The following ADAMTS20 variants were observed in gnomAD, a reference collection of about 807,000 sequenced individuals.
ADAMTS20 encodes the protein A disintegrin and metalloproteinase with thrombospondin motifs 20.
In ADAMTS20, 225 loss-of-function variants were observed where a neutral mutation model predicts 260.1. The ratio of observed to expected loss-of-function variants is 0.87; its 90% CI spans 0.78 to 0.97. ADAMTS20 has a LOEUF of 0.97. ADAMTS20 is among the 50% of genes least tolerant of loss of function. ADAMTS20 has a pLI of 0.00. For synonymous variants in ADAMTS20, 802 were observed against 769.5 expected, an observed-to-expected ratio of 1.04 and a Z score of -0.70; for missense variants, 2,400 against 2,337.7, an observed-to-expected ratio of 1.03 and a Z score of -0.55.
intron 2 of ADAMTS20, among the ~76,000 whole-genome samples, chr12:43,538,945 T>A (rs201683099): frequency 4.5e-5 from 6 of 133,806 alleles, no homozygotes; most frequent in Admixed American, 3.2e-4. Flanking sequence ...AATTTTTTTA[T>A]GAACATTCTT....
In ADAMTS20 at chr12:43,428,524, G is replaced by A; in HGVS notation, c.3662C>T (p.Ala1221Val). The A allele has an allele frequency of 6.2e-7, 1 of 1,610,242 alleles. No homozygotes were observed. The highest frequency in any genetic ancestry group is 8.5e-7 in the Non-Finnish European group (1 of 1,177,454). ...WQAGDWSPCSASCGHGKTTRQ... is the reference protein window; with the variant it reads ...WQAGDWSPCSVSCGHGKTTRQ... ...AGTTGTTTTTCCATGGCCACAGGAA[G>A]CTGAACACTGATCAAAAATTTAGCC... Residue 1221 changes from alanine to valine, a missense_variant, in exon 26 of 39, where the codon GCT becomes GTT. Physicochemically the swap from Ala to Val is moderately conservative, Grantham distance 64. Coordinates refer to ENST00000389420, the MANE Select transcript of ADAMTS20 (RefSeq NM_025003.5).
intron 28 of ADAMTS20, among the ~76,000 whole-genome samples, chr12:43,410,766 T>C (rs934961576): frequency 2.0e-5 from 3 of 152,202 alleles, no homozygotes; most frequent in African/African-American, 7.2e-5. Context: ...TCTTCAAATA[T>C]TTGCCCTATA....
chr12:43,453,885 T>C (rs1305364638), intron 12 of ADAMTS20, 22 bp downstream of exon 12: 4 of 1,571,066 alleles, frequency 2.5e-6, no homozygotes, highest in South Asian at 1.2e-5. Flanking sequence ...TCTTAATTTA[T>C]AGTGACATAA....
intron 37 of ADAMTS20, among the ~76,000 whole-genome samples, chr12:43,363,477 G>C (rs1212455308): frequency 6.6e-6 from 1 of 152,098 alleles, no homozygotes; most frequent in Non-Finnish European, 1.5e-5. Flanking sequence ...CAAAAGCCAA[G>C]AAGACCAGGG....
At chr12:43,470,146 G>T (rs1942227473) in intron 7 of ADAMTS20, among the ~76,000 whole-genome samples, 1 of 152,146 alleles carries the variant, frequency 6.6e-6, no homozygotes, top group African/African-American at 2.4e-5. Flanking sequence ...TGCATGTTCA[G>T]TTGTTTAGTG....
intron 16 of ADAMTS20, among the ~76,000 whole-genome samples, chr12:43,441,188 A>C (rs1278156275): frequency 6.6e-6 from 1 of 152,056 alleles, no homozygotes; most frequent in East Asian, 1.9e-4. Context: ...CTGTTAACAC[A>C]TACGTGGGTA....
chr12:43,550,779 T>C, intron 2 of ADAMTS20, 130 bp downstream of exon 2: 1 of 1,352,740 alleles, frequency 7.4e-7, no homozygotes, highest in Non-Finnish European at 9.8e-7. Flanking sequence ...GGCTTGGTGT[T>C]AATCCTTCTT....
intron 2 of ADAMTS20, among the ~76,000 whole-genome samples, chr12:43,540,934 T>C (rs958945331): frequency 6.6e-6 from 1 of 152,180 alleles, no homozygotes; most frequent in Non-Finnish European, 1.5e-5. Flanking sequence ...TAGAAGATTC[T>C]ATAAAATTGT....
intron 7 of ADAMTS20, among the ~76,000 whole-genome samples, chr12:43,468,948 C>G (rs2137387526): frequency 6.6e-6 from 1 of 151,818 alleles, no homozygotes; most frequent in Admixed American, 6.6e-5. Context: ...GTAGAGTGAG[C>G]AAACAACTTT....
intron 14 of ADAMTS20, among the ~76,000 whole-genome samples, chr12:43,450,470 T>C (rs1374643216): frequency 6.6e-6 from 1 of 152,192 alleles, no homozygotes; most frequent in Non-Finnish European, 1.5e-5. Flanking sequence ...ACTTTTGCAT[T>C]GTCATATGAC....
intron 29 of ADAMTS20, among the ~76,000 whole-genome samples, chr12:43,387,755 C>T (rs1323229673): frequency 1.3e-5 from 2 of 152,184 alleles, no homozygotes; most frequent in Admixed American, 1.3e-4. Flanking sequence ...TTGTGGAGGG[C>T]TCCACCCAAT....
At chr12:43,373,958 C>T (rs560089497) in intron 36 of ADAMTS20, among the ~76,000 whole-genome samples, 3 of 151,806 alleles carry the variant, frequency 2.0e-5, no homozygotes, top group Middle Eastern at 3.4e-3. Flanking sequence ...GGATTACAGG[C>T]GTGAGTCACC....
At chr12:43,376,858 C>T (rs751918023) in intron 32 of ADAMTS20, among the ~76,000 whole-genome samples, 2 of 152,164 alleles carry the variant, frequency 1.3e-5, no homozygotes, top group Non-Finnish European at 2.9e-5. Flanking sequence ...TCTATTATTT[C>T]TCAGTTACTG....
At chr12:43,373,841 G>A (rs1010878270) in intron 36 of ADAMTS20, among the ~76,000 whole-genome samples, 1 of 151,060 alleles carries the variant, frequency 6.6e-6, no homozygotes, top group African/African-American at 2.4e-5. Flanking sequence ...CACTACGCCC[G>A]GCTAATTTTT....
chr12:43,420,510 T>G (rs1941205800), intron 28 of ADAMTS20, among the ~76,000 whole-genome samples: 1 of 152,172 alleles, frequency 6.6e-6, no homozygotes, highest in Admixed American at 6.5e-5. Flanking sequence ...ATTACTATGT[T>G]TTCACTGAAC....
chr12:43,475,096 G>A (rs200944674), intron 7 of ADAMTS20, among the ~76,000 whole-genome samples: 5,724 of 114,526 alleles, frequency 0.05, 113 homozygotes, highest in Admixed American at 0.091. Context: ...AAACCCCATC[G>A]TCTCAGCCCA....
At chr12:43,435,046 C>A (rs1256032415) in intron 18 of ADAMTS20, among the ~76,000 whole-genome samples, 1 of 58,788 alleles carries the variant, frequency 1.7e-5, no homozygotes, top group African/African-American at 2.1e-4. Context: ...ATAGATGAAG[C>A]AAAGAGATTT....
At chr12:43,439,852 A>G in intron 17 of ADAMTS20, 45 bp downstream of exon 17, 1 of 1,568,468 alleles carries the variant, frequency 6.4e-7, no homozygotes, top group Non-Finnish European at 8.7e-7. Flanking sequence ...GTAGTTTACT[A>G]ATATAATTAA....
intron 22 of ADAMTS20, among the ~76,000 whole-genome samples, chr12:43,430,780 T>C (rs1389199279): frequency 3.9e-5 from 6 of 152,188 alleles, no homozygotes; most frequent in Admixed American, 3.9e-4. Flanking sequence ...GGAAACTAAA[T>C]ATTTTTCAAA....
Sources: allele counts gnomAD v4.1 joint callset (sites outside exome capture counted in the v4.1 genomes callset), GRCh38; gene constraint gnomAD v4.1.1; transcripts MANE v1.5; gene names NCBI Gene and HGNC (gene_info 2026-07-23, HGNC 2026-07-21).